ABCA13: variants seen among roughly 807,000 people sequenced by gnomAD.
ABCA13 encodes ATP-binding cassette sub-family A member 13.
A neutral mutation model predicts 478.7 loss-of-function variants in ABCA13; 476 were observed. The ratio of observed to expected loss-of-function variants is 0.99; its 90% confidence interval spans 0.92 to 1.07. ABCA13 has a LOEUF of 1.07. ABCA13 is among the 50% of genes least tolerant of loss of function. The pLI is 0.00. For missense variants in ABCA13, 6,060 were observed against 5,910.6 expected, an observed-to-expected ratio of 1.03 and a Z score of -0.83; for synonymous variants, 2,252 against 2,158.9, an observed-to-expected ratio of 1.04 and a Z score of -1.20.
At chr7:48,360,779 A>G (rs1465058745) in intron 31 of ABCA13, among the ~76,000 whole-genome samples, 4 of 151,996 alleles carry the variant, frequency 2.6e-5, no homozygotes, top group Non-Finnish European at 5.9e-5. Flanking sequence ...CTATTTACGC[A>G]GTACTTATTA....
In ABCA13 at chr7:48,299,780, T is replaced by A. The variant is rs1004727781; in HGVS notation, c.9321+1293T>A. On this transcript the variant is annotated intron_variant, in intron 23 of 61. Coordinates refer to ENST00000435803, the MANE Select transcript of ABCA13 (RefSeq NM_152701.5). ...GAAACAAGTGGCCACTGGGTGTCAC[T>A]GCTGTTCTATTATGGGAGGGCTGTG... Among the ~76,000 whole-genome samples, 4 of 152,190 alleles carry A rather than the reference T, an allele frequency of 2.6e-5. No homozygotes were observed. The South Asian group carries it at 8.3e-4, about 32-fold the overall frequency.
chr7:48,516,732 A>C lies in ABCA13; in HGVS notation c.13648A>C (p.Thr4550Pro), dbSNP rs78734445. 4 of 1,613,244 alleles carry C rather than the reference A, an allele frequency of 2.5e-6. No individual in the cohort carries two copies. Among genetic ancestry groups the C allele is most frequent in the Non-Finnish European group, 3.4e-6 (4 of 1,179,544 alleles). ...ALLLSLFGYA[T>P]LPWMYLMSRI... ...TTTCACTTTACTTTTCAGATATGCA[A>C]CTCTTCCATGGATGTACCTGATGTC... is the stretch of plus-strand genomic sequence containing the variant. The change falls in exon 52 of 62, where the codon ACT (threonine) becomes CCT (proline). Residue 4550 changes from threonine (T) to proline (P), a missense_variant. By Grantham distance (38) the Thr-to-Pro change is conservative (BLOSUM62 -1). This residue lies in a region of ABCA13 where 1,627 missense variants were observed against 1,571.0 expected (regional missense o/e 1.04). Coordinates refer to ENST00000435803, the MANE Select transcript of ABCA13 (RefSeq NM_152701.5).
intron 42 of ABCA13, among the ~76,000 whole-genome samples, chr7:48,436,365 A>G (rs1464646354): frequency 3.3e-5 from 5 of 151,728 alleles, no homozygotes. Flanking sequence ...AATTGGCAGT[A>G]ACACTTTCTT....
intron 35 of ABCA13, among the ~76,000 whole-genome samples, 178 bp from the exon 36 acceptor site, chr7:48,387,644 G>T (rs1815392272): frequency 6.6e-6 from 1 of 152,066 alleles, no homozygotes; most frequent in Non-Finnish European, 1.5e-5. Flanking sequence ...AGAAGGGAGA[G>T]TTAGGGCTCC....
intron 8 of ABCA13, among the ~76,000 whole-genome samples, chr7:48,234,788 C>T (rs944772286): frequency 1.3e-5 from 2 of 152,114 alleles, no homozygotes; most frequent in Non-Finnish European, 2.9e-5. Flanking sequence ...AAGAACTATG[C>T]GGGACCTGGA....
At chr7:48,516,479 C>T (rs563036744) in intron 51 of ABCA13, among the ~76,000 whole-genome samples, 13 of 152,090 alleles carry the variant, frequency 8.5e-5, no homozygotes, top group Non-Finnish European at 1.0e-4. Flanking sequence ...AGAGTAGGCA[C>T]GCTGGCATAT....
intron 35 of ABCA13, among the ~76,000 whole-genome samples, chr7:48,380,635 G>A (rs1380781450): frequency 6.6e-6 from 1 of 152,160 alleles, no homozygotes; most frequent in Non-Finnish European, 1.5e-5. Flanking sequence ...ACTTTGTAGG[G>A]TATCAACTAA....
At chr7:48,352,633 A>AT (rs1164506739) in intron 31 of ABCA13, 146 bp downstream of exon 31, 38 of 860,308 alleles carry the variant, frequency 4.4e-5, no homozygotes, top group Admixed American at 1.5e-4. Context: ...CGTAAGGTTC[A>AT]TTTTTTTTAT....
chr7:48,413,021 C>T (rs1223108218), intron 41 of ABCA13, among the ~76,000 whole-genome samples: 1 of 151,720 alleles, frequency 6.6e-6, no homozygotes, highest in Non-Finnish European at 1.5e-5. Context: ...CCATGTTAGC[C>T]AGGATGGTCT....
chr7:48,473,807 T>C (rs1236305243), intron 45 of ABCA13, among the ~76,000 whole-genome samples: 3 of 152,136 alleles, frequency 2.0e-5, no homozygotes, highest in African/African-American at 4.8e-5. Context: ...AAAGTTTTTT[T>C]GTTTGTCTTT....
At chr7:48,433,646 A>C (rs1206784273) in intron 42 of ABCA13, among the ~76,000 whole-genome samples, 2 of 151,912 alleles carry the variant, frequency 1.3e-5, no homozygotes, top group African/African-American at 4.8e-5. Flanking sequence ...TTATCTTCTC[A>C]AATTGAAACT....
At chr7:48,231,453 T>C (rs2128992816) in intron 7 of ABCA13, among the ~76,000 whole-genome samples, 1 of 152,052 alleles carries the variant, frequency 6.6e-6, no homozygotes, top group Non-Finnish European at 1.5e-5. Flanking sequence ...TGAGGTACAG[T>C]GGGCAGTAGC....
At chr7:48,524,532 A>G in intron 54 of ABCA13, 92 bp downstream of exon 54, 1 of 1,216,596 alleles carries the variant, frequency 8.2e-7, no homozygotes, top group Non-Finnish European at 1.1e-6. Flanking sequence ...AATATTTGAA[A>G]TCAGAGCCAA....
At chr7:48,181,242 T>C (rs181747609) in intron 1 of ABCA13, among the ~76,000 whole-genome samples, 5 of 152,308 alleles carry the variant, frequency 3.3e-5, no homozygotes, top group Admixed American at 3.3e-4. Flanking sequence ...TCTCTATTTT[T>C]TCCTTATATA....
intron 45 of ABCA13, among the ~76,000 whole-genome samples, chr7:48,476,570 A>C (rs1828115557): frequency 6.6e-6 from 1 of 151,940 alleles, no homozygotes; most frequent in East Asian, 1.9e-4. Context: ...GGGGTTACTT[A>C]CTCCAATGGT....
In ABCA13 at chr7:48,254,802, A is replaced by T. The variant is rs189449803; in HGVS notation, c.2005+5451A>T. On this transcript the variant is annotated intron_variant, in intron 15 of 61. Coordinates refer to ENST00000435803, the MANE Select transcript of ABCA13 (RefSeq NM_152701.5). ...GTATCAAGCTAAATTTGTGGTGTTTACTAAAGGCAATTTTTCCTCAGCTGT... is the reference window on the plus strand; with the variant it reads ...GTATCAAGCTAAATTTGTGGTGTTTTCTAAAGGCAATTTTTCCTCAGCTGT... 4.4e-4 allele frequency among the ~76,000 whole-genome samples: 67 copies of T among 152,244 alleles called. 1 individual carries two copies. Among genetic ancestry groups the T allele is most frequent in the Middle Eastern group, 3.4e-3 (1 of 294 alleles).
chr7:48,563,832 G>T (rs13245168), intron 55 of ABCA13, among the ~76,000 whole-genome samples: 785 of 76,800 alleles, frequency 0.01, 10 homozygotes, highest in African/African-American at 0.05. Context: ...GTGTGTGTGT[G>T]TGTGTGTTTT....
rs531436219 is a variant in ABCA13 at position 48,622,990 on chromosome 7, G to A, written c.14837+7613G>A. 3.3e-5 allele frequency among the ~76,000 whole-genome samples: 5 copies of A among 152,272 alleles called. No individual in the cohort carries two copies. The South Asian group carries it at 1.0e-3, about 32-fold the overall frequency. ...GATTGTCCACATTTAACAAATGAAA[G>A]AAGTGAGCCTCCTACCTGTGGTGGA... On this transcript the variant is annotated intron_variant, in intron 59 of 61. Coordinates refer to ENST00000435803, the MANE Select transcript of ABCA13 (RefSeq NM_152701.5).
intron 35 of ABCA13, among the ~76,000 whole-genome samples, chr7:48,377,643 G>A (rs576116926): frequency 2.6e-5 from 4 of 152,150 alleles, no homozygotes; most frequent in South Asian, 4.1e-4. Flanking sequence ...AAGAGGTAGA[G>A]AGAGAACATA....
Sources: gnomAD v4.1 joint callset for allele counts (sites outside exome capture counted in the v4.1 genomes callset) on GRCh38, gnomAD v4.1.1 for gene constraint, gnomAD v4.1.1 regional missense constraint, MANE v1.5 for transcripts, NCBI Gene and HGNC (gene_info 2026-07-23, HGNC 2026-07-21) for gene names.